The following EPG5 variants were observed in gnomAD, a reference collection of about 807,000 sequenced individuals.
The protein encoded by EPG5 is ectopic P-granules 5 autophagy tethering factor, also known as ectopic P granules protein 5 homolog.
EPG5 carries 159 observed loss-of-function variants against 302.7 expected under a neutral mutation model. The ratio of observed to expected loss-of-function variants is 0.53; its 90% CI spans 0.46 to 0.60. EPG5 has a LOEUF of 0.60. EPG5 is among the 20% of genes least tolerant of loss of function. EPG5 has a pLI of 0.00. For missense variants in EPG5, 2,896 were observed against 3,092.4 expected, an observed-to-expected ratio of 0.94 and a Z score of 1.51; for synonymous variants, 1,158 against 1,136.8, an observed-to-expected ratio of 1.02 and a Z score of -0.37.
Position 45,900,987 on chromosome 18 carries a change from T to C in EPG5, c.4646+9A>G, listed in dbSNP as rs745305665. 8 of 1,602,152 alleles carry C rather than the reference T, an allele frequency of 5.0e-6. No homozygotes were observed. The highest frequency in any genetic ancestry group is 6.8e-6 in the Non-Finnish European group (8 of 1,171,144). ...TGGGAACATGATCCGTGAGGCTGCA[T>C]GGTCTTACCTGGCCTGCTGTTGCAA... On this transcript the variant is annotated intron_variant, in intron 26 of 43. Coordinates refer to ENST00000282041, the MANE Select transcript of EPG5 (RefSeq NM_020964.3).
intron 39 of EPG5, 101 bp downstream of exon 39, chr18:45,865,514 G>A (rs1007579545): frequency 2.4e-6 from 3 of 1,259,524 alleles, no homozygotes; most frequent in Non-Finnish European, 3.4e-6. Flanking sequence ...TCTGGAAAGA[G>A]GAGTGCCAGT....
At position 45,927,593 on chromosome 18, in the gene EPG5, TACACACAC is replaced by T. The variant is rs67488772; in HGVS notation, c.2553+1268_2553+1275del. On this transcript the variant is annotated intron_variant, in intron 13 of 43. Coordinates refer to ENST00000282041, the MANE Select transcript of EPG5 (RefSeq NM_020964.3). Reference sequence around the variant, plus strand: ...GACTGAATGGATAAACAAAAAGTTATACACACACACACACACACACACACACACACACA... The same window carrying T: ...GACTGAATGGATAAACAAAAAGTTATACACACACACACACACACACACACA... Among the ~76,000 whole-genome samples the T allele has an allele frequency of 5.6e-3, 744 of 133,494 alleles. 9 individuals are homozygous for T. Among genetic ancestry groups the T allele is most frequent in the African/African-American group, 0.018 (595 of 33,808 alleles). The allele number at this position is 133,494 out of a possible 152,430, so 87.6% of individuals were successfully genotyped here.
chr18:45,928,064 C>CG (rs2145800013), intron 13 of EPG5, among the ~76,000 whole-genome samples: 1 of 152,058 alleles, frequency 6.6e-6, no homozygotes, highest in Admixed American at 6.6e-5. Flanking sequence ...GGCATGGTGG[C>CG]GGGCGCCTGT....
chr18:45,812,252 T>C, the EPG5 span, among the ~76,000 whole-genome samples: 27 of 152,068 alleles, frequency 1.8e-4, no homozygotes, highest in Non-Finnish European at 4.4e-5. Context: ...AAACCACTGC[T>C]CAACAAAACA....
At chr18:45,801,885 G>A in the EPG5 span, among the ~76,000 whole-genome samples, 3 of 152,144 alleles carry the variant, frequency 2.0e-5, no homozygotes, top group Admixed American at 1.3e-4. Flanking sequence ...CCCCTTCAGG[G>A]CTCTCCTGAG....
At chr18:45,823,805 C>T in the EPG5 span, among the ~76,000 whole-genome samples, 90 of 152,120 alleles carry the variant, frequency 5.9e-4, 1 homozygote, top group Non-Finnish European at 2.2e-4. Context: ...CAGCACAGCA[C>T]GTGCGAGGAA....
the EPG5 span, chr18:45,842,185 T>A: frequency 1.2e-6 from 2 of 1,614,112 alleles, no homozygotes; most frequent in Non-Finnish European, 1.7e-6. Flanking sequence ...GTGCTCACCG[T>A]GAGGAGTCCC....
intron 3 of EPG5, 137 bp from the exon 4 acceptor site, chr18:45,951,375 A>G: frequency 2.0e-6 from 1 of 502,040 alleles, no homozygotes. Context: ...TTACATCAAA[A>G]TACTTAAATT....
rs761816828 is a variant in EPG5 at position 45,887,743 on chromosome 18, A to T, written c.5109+8T>A. 1 of 1,539,054 alleles carries T rather than the reference A, an allele frequency of 6.5e-7. No individual in the cohort carries two copies. The highest frequency in any genetic ancestry group is 8.9e-7 in the Non-Finnish European group (1 of 1,128,552). On this transcript the variant is annotated splice_region_variant and intron_variant, in intron 29 of 43. Transcript: ENST00000282041. ...TCTGATCAAGGCAAAAGGTACAGAT[A>T]GCCTTACCTGTCCCAAGATCTCAAT...
intron 25 of EPG5, 82 bp downstream of exon 25, chr18:45,903,891 A>C: frequency 7.3e-7 from 1 of 1,376,852 alleles, no homozygotes; most frequent in African/African-American, 1.5e-5. Flanking sequence ...GGGGGAATAA[A>C]GTATGTCAGC....
At chr18:45,843,395 A>G (rs1209982231), downstream of EPG5, 1 of 152,278 alleles carries the variant, frequency 6.6e-6, no homozygotes, top group African/African-American at 2.4e-5. Flanking sequence ...TGGCAAGAGG[A>G]AAGGGCCACA....
chr18:45,953,316 A>G, intron 2 of EPG5: 1 of 985,272 alleles, frequency 1.0e-6, no homozygotes, highest in Non-Finnish European at 1.2e-6. Context: ...ATCTCAAAAC[A>G]TCTCTGGATC....
the EPG5 span, among the ~76,000 whole-genome samples, chr18:45,839,775 C>A: frequency 0.044 from 6,681 of 152,232 alleles, 490 homozygotes; most frequent in African/African-American, 0.15. Context: ...GATTGCCACT[C>A]CTGCTGTCTC....
At chr18:45,853,588 C>A (rs1223836070) in intron 43 of EPG5, among the ~76,000 whole-genome samples, 2 of 152,176 alleles carry the variant, frequency 1.3e-5, no homozygotes, top group Non-Finnish European at 2.9e-5. Flanking sequence ...GTCCCTTTTA[C>A]AGAAACCACT....
chr18:45,837,638 A>G, the EPG5 span: 5 of 1,507,338 alleles, frequency 3.3e-6, no homozygotes, highest in South Asian at 6.2e-5. Context: ...GCTGACGGCC[A>G]TCTGGCGCGC....
chr18:45,913,613 T>C, intron 21 of EPG5, 93 bp downstream of exon 21: 53 of 1,479,580 alleles, frequency 3.6e-5, no homozygotes, highest in Non-Finnish European at 4.7e-5. Context: ...CACAACAAAA[T>C]AAAACACAAA....
intron 8 of EPG5, 52 bp downstream of exon 8, chr18:45,943,953 T>G (rs371084456): frequency 1.0e-5 from 12 of 1,147,040 alleles, no homozygotes; most frequent in Non-Finnish European, 1.4e-5. Flanking sequence ...GCAGAGTTCC[T>G]GTGTTTACAC....
At chr18:45,870,349 T>C (rs1367641996) in intron 36 of EPG5, among the ~76,000 whole-genome samples, 10 of 151,790 alleles carry the variant, frequency 6.6e-5, no homozygotes, top group Admixed American at 5.3e-4. Flanking sequence ...ATAGATAAAA[T>C]CTTTCTCTGG....
rs773350138 is a variant in EPG5, at chr18:45,860,080, G to C, written c.7009+24C>G. Reference sequence around the variant, plus strand: ...CTTTCTGGAAAAGACCAATACAATGGAGCGTAAGATGACCTCCTCTTACTT... The same window carrying C: ...CTTTCTGGAAAAGACCAATACAATGCAGCGTAAGATGACCTCCTCTTACTT... On this transcript the variant is annotated intron_variant, in intron 40 of 43. Transcript: ENST00000282041. 125 of 1,613,458 alleles carry C rather than the reference G, an allele frequency of 7.7e-5. No homozygotes were observed. In the Middle Eastern group the frequency reaches 1.7e-3, roughly 22 times the overall value.
Sources: gnomAD v4.1 joint callset for allele counts (sites outside exome capture counted in the v4.1 genomes callset) on GRCh38, gnomAD v4.1.1 for gene constraint, MANE v1.5 for transcripts, NCBI Gene and HGNC (gene_info 2026-07-23, HGNC 2026-07-21) for gene names.